CIT: variants seen among roughly 807,000 people sequenced by gnomAD.
The protein encoded by CIT is citron rho-interacting serine/threonine kinase.
Under a neutral mutation model 272.7 loss-of-function variants are expected in CIT, and 79 were observed. The ratio of observed to expected loss-of-function variants is 0.29; its 90% CI spans 0.24 to 0.35. CIT has a LOEUF of 0.35. CIT is among the 10% of genes least tolerant of loss of function. CIT has a pLI of 1.00. For synonymous variants in CIT, 948 were observed against 995.6 expected, an observed-to-expected ratio of 0.95 and a Z score of 0.90; for missense variants, 1,909 against 2,618.3, an observed-to-expected ratio of 0.73 and a Z score of 5.91.
In CIT at chr12:119,767,723, A is replaced by G. The variant is rs149524746; in HGVS notation, c.2209-541T>C. ...TGACTGGTAAGTGGCATATGTGACT[A>G]TCTGTAGATGTGCATGTGATATAAT... On this transcript the variant is annotated intron_variant, in intron 18 of 47. Transcript: ENST00000392521. Among the ~76,000 whole-genome samples the G allele has an allele frequency of 7.7e-4, 117 of 152,340 alleles. 1 individual carries two copies. The highest frequency in any genetic ancestry group is 5.6e-3 in the East Asian group (29 of 5,194).
At chr12:119,874,178 C>T (rs565639904) in intron 2 of CIT, among the ~76,000 whole-genome samples, 1 of 152,294 alleles carries the variant, frequency 6.6e-6, no homozygotes, top group African/African-American at 2.4e-5. Flanking sequence ...AATGATTCTC[C>T]TGCTTCAGCT....
At position 119,721,118 on chromosome 12, in the gene CIT, C is replaced by A. The variant is rs562044958; in HGVS notation, c.3732+191G>T. Among the ~76,000 whole-genome samples the A allele has an allele frequency of 2.0e-5, 3 of 152,326 alleles. No homozygotes were observed. In the South Asian group the frequency reaches 6.2e-4, roughly 32 times the overall value. On this transcript the variant is annotated intron_variant, in intron 29 of 47. Coordinates refer to ENST00000392521, the MANE Select transcript of CIT (RefSeq NM_001206999.2). Reference sequence around the variant, plus strand: ...AGTAGCTGGGACTACAGGCACCCGCCACCACGCCAGGCTAATTTTTGTATT... The same window carrying A: ...AGTAGCTGGGACTACAGGCACCCGCAACCACGCCAGGCTAATTTTTGTATT...
At chr12:119,793,022 C>A (rs965618834) in intron 10 of CIT, among the ~76,000 whole-genome samples, 1 of 152,064 alleles carries the variant, frequency 6.6e-6, no homozygotes, top group African/African-American at 2.4e-5. Context: ...CTGGAAATAT[C>A]AAAAACACTA....
intron 10 of CIT, among the ~76,000 whole-genome samples, chr12:119,801,339 T>A (rs1254654316): frequency 6.6e-6 from 1 of 152,200 alleles, no homozygotes; most frequent in Non-Finnish European, 1.5e-5. Flanking sequence ...GAGATGTCCC[T>A]GTCAGAGAGC....
chr12:119,765,888 G>T (rs926827591), intron 19 of CIT, among the ~76,000 whole-genome samples: 1 of 152,108 alleles, frequency 6.6e-6, no homozygotes, highest in Admixed American at 6.6e-5. Flanking sequence ...CAATCCCACT[G>T]CTGGAAAGGA....
chr12:119,723,397 T>TAAAA (rs869077083), intron 28 of CIT, among the ~76,000 whole-genome samples: 4 of 40,856 alleles, frequency 9.8e-5, no homozygotes, highest in Non-Finnish European at 1.0e-4. Context: ...CCCTATACAT[T>TAAAA]AAAAAAAAAA....
At chr12:119,814,078 T>TA (rs1966920710) in intron 9 of CIT, among the ~76,000 whole-genome samples, 1 of 152,208 alleles carries the variant, frequency 6.6e-6, no homozygotes. Flanking sequence ...CCTATCCTCA[T>TA]ACTCCTTTCA....
chr12:119,810,323 G>C (rs1966822235), intron 9 of CIT, among the ~76,000 whole-genome samples: 1 of 152,186 alleles, frequency 6.6e-6, no homozygotes, highest in Non-Finnish European at 1.5e-5. Context: ...TTTGGTCACA[G>C]AAGTCTTCTG....
intron 3 of CIT, among the ~76,000 whole-genome samples, chr12:119,859,039 T>C (rs1187689775): frequency 1.3e-5 from 2 of 151,652 alleles, no homozygotes; most frequent in Non-Finnish European, 2.9e-5. Context: ...AGATTTGGAA[T>C]CTAACATGTT....
chr12:119,809,923 C>A (rs1007078567), intron 9 of CIT, among the ~76,000 whole-genome samples: 1 of 152,220 alleles, frequency 6.6e-6, no homozygotes, highest in African/African-American at 2.4e-5. Context: ...TAGCTGAACA[C>A]GTGGAGGTTC....
At chr12:119,825,093 C>A in intron 8 of CIT, 72 bp downstream of exon 8, 6 of 1,399,836 alleles carry the variant, frequency 4.3e-6, no homozygotes, top group Non-Finnish European at 6.0e-6. Context: ...AGCCACCACG[C>A]CCAGCCTCAT....
In CIT at chr12:119,792,882, A is replaced by C. The variant is rs139713109; in HGVS notation, c.1296-7817T>G. 3.1e-3 allele frequency among the ~76,000 whole-genome samples: 474 copies of C among 151,868 alleles called. 1 individual carries two copies. The highest frequency in any genetic ancestry group is 0.011 in the African/African-American group (460 of 41,450). ...GAGGCTGAGGCAGGAGAATTGCTTG[A>C]ACCTGGGAGGCGGAGGTTGTCTTGA... On this transcript the variant is annotated intron_variant, in intron 10 of 47. Coordinates refer to ENST00000392521, the MANE Select transcript of CIT (RefSeq NM_001206999.2).
intron 3 of CIT, among the ~76,000 whole-genome samples, chr12:119,862,833 A>AAAAAAAAG (rs1566141834): frequency 6.6e-5 from 9 of 136,106 alleles, no homozygotes; most frequent in Non-Finnish European, 1.1e-4. Flanking sequence ...AAAAAAAAAA[A>AAAAAAAAG]AAAAAAAGAA....
chr12:119,710,205 G>A lies in CIT; in HGVS notation c.5071+46C>T. On this transcript the variant is annotated intron_variant, in intron 39 of 47. Transcript: ENST00000392521. This position sits in a 1 kb window ranked among gnomAD's most constrained non-coding sequence, Gnocchi z 5.6. ...CATGAAACGTGGCTTCAACATATTG[G>A]CTCCCTTGAAAGTAAAGAAAAAACA... 6.3e-7 allele frequency: 1 copy of A among 1,594,322 alleles called. No individual in the cohort carries two copies. Among genetic ancestry groups the A allele is most frequent in the Admixed American group, 1.8e-5 (1 of 55,522 alleles).
chr12:119,750,018 G>A (rs539766100), intron 23 of CIT, among the ~76,000 whole-genome samples: 5 of 152,150 alleles, frequency 3.3e-5, no homozygotes, highest in African/African-American at 7.2e-5. Flanking sequence ...TGAAATAAAC[G>A]GATTTGAGGA....
rs1957676880 is a variant in CIT at position 119,718,709 on chromosome 12, G to A, written c.3993C>T (p.Ala1331=). 3.1e-6 allele frequency: 5 copies of A among 1,613,144 alleles called. No individual in the cohort carries two copies. In the South Asian group the frequency reaches 5.5e-5, roughly 18 times the overall value. The change falls in exon 31 of 48, where the codon GCC becomes GCT. Residue 1331 remains alanine, a synonymous_variant. Transcript: ENST00000392521. This position sits in a 1 kb window ranked among gnomAD's most constrained non-coding sequence, Gnocchi z 4.8. ...LQKTRIELRS[A]REEAAHRKAT... ...AGAGTGAGCCCCTACCTTCCTCCCG[G>A]GCGGACCGGAGCTCGATGCGGGTCT...
rs765377699 is a variant in CIT, at chr12:119,712,370, G to A, written c.4685-23C>T. Reference sequence around the variant, plus strand: ...CATCTAGGAGATTTCAGAGAGCACAGGATTGGGTGTGGATTTCCCCCGTTC... The same window carrying A: ...CATCTAGGAGATTTCAGAGAGCACAAGATTGGGTGTGGATTTCCCCCGTTC... On this transcript the variant is annotated intron_variant, in intron 36 of 47. Transcript: ENST00000392521. The surrounding 1 kb of genome is among the most constrained non-coding windows in gnomAD (Gnocchi z 5.2). 6.3e-7 allele frequency: 1 copy of A among 1,593,700 alleles called. No homozygotes were observed. The highest frequency in any genetic ancestry group is 2.2e-5 in the East Asian group (1 of 44,616).
intron 24 of CIT, among the ~76,000 whole-genome samples, chr12:119,737,689 G>C (rs966685678): frequency 6.6e-6 from 1 of 151,970 alleles, no homozygotes; most frequent in African/African-American, 2.4e-5. Context: ...TTATATTTCC[G>C]GTTTGTGATT....
At chr12:119,846,636 A>G (rs12230794) in intron 5 of CIT, among the ~76,000 whole-genome samples, 72,306 of 151,988 alleles carry the variant, frequency 0.48, 17,538 homozygotes, top group Middle Eastern at 0.54. Context: ...GGGTGTGGTG[A>G]TTCATGCCTG....
Sources: allele counts gnomAD v4.1 joint callset (sites outside exome capture counted in the v4.1 genomes callset), GRCh38; gene constraint gnomAD v4.1.1; non-coding constraint Gnocchi (gnomAD v3.1); transcripts MANE v1.5; gene names NCBI Gene and HGNC (gene_info 2026-07-23, HGNC 2026-07-21).